BLTP3B: variants seen among roughly 807,000 people sequenced by gnomAD.
BLTP3B encodes bridge-like lipid transfer protein family member 3B.
chr12:100,128,070 G>T, the BLTP3B span, among the ~76,000 whole-genome samples: 1 of 152,072 alleles, frequency 6.6e-6, no homozygotes, highest in Non-Finnish European at 1.5e-5. Context: ...ACTGCTGTTT[G>T]TGAGACTTAT....
chr12:100,140,836 T>G, the BLTP3B span, among the ~76,000 whole-genome samples: 1 of 149,872 alleles, frequency 6.7e-6, no homozygotes, highest in African/African-American at 2.5e-5. Flanking sequence ...CATTACATCT[T>G]TGTTCTTAAT....
the BLTP3B span, among the ~76,000 whole-genome samples, chr12:100,119,974 A>T: frequency 6.6e-6 from 1 of 152,260 alleles, no homozygotes; most frequent in Non-Finnish European, 1.5e-5. Flanking sequence ...CTGTAACTAC[A>T]GGGCAACCAT....
chr12:100,127,641 T>C, the BLTP3B span, among the ~76,000 whole-genome samples: 1 of 152,188 alleles, frequency 6.6e-6, no homozygotes, highest in African/African-American at 2.4e-5. Context: ...TATAACATAA[T>C]TGCTTTCCCT....
At chr12:100,125,318 G>A in the BLTP3B span, among the ~76,000 whole-genome samples, 2 of 142,822 alleles carry the variant, frequency 1.4e-5, no homozygotes, top group African/African-American at 2.7e-5. Context: ...GGGTGACAGA[G>A]CGACCGGTTT....
chr12:100,114,445 C>A, the BLTP3B span, among the ~76,000 whole-genome samples: 12 of 152,128 alleles, frequency 7.9e-5, no homozygotes, highest in Admixed American at 4.6e-4. Flanking sequence ...CTCAACTGGA[C>A]CCAATTCAAA....
the BLTP3B span, among the ~76,000 whole-genome samples, chr12:100,139,800 G>C: frequency 2.0e-5 from 3 of 152,198 alleles, no homozygotes; most frequent in Non-Finnish European, 4.4e-5. Flanking sequence ...AGTGGAGAAA[G>C]ACAAAAATAC....
chr12:100,065,873 C>A, the BLTP3B span, among the ~76,000 whole-genome samples: 13 of 152,070 alleles, frequency 8.5e-5, no homozygotes, highest in African/African-American at 2.9e-4. Flanking sequence ...TCTTTGTGAC[C>A]TACTCCCTGT....
the BLTP3B span, among the ~76,000 whole-genome samples, chr12:100,138,638 G>A: frequency 0.063 from 9,565 of 152,226 alleles, 334 homozygotes; most frequent in Middle Eastern, 0.14. Flanking sequence ...TAAACTATAC[G>A]ATGACTCCAC....
chr12:100,063,246 T>C, the BLTP3B span, among the ~76,000 whole-genome samples: 1 of 152,132 alleles, frequency 6.6e-6, no homozygotes, highest in Admixed American at 6.5e-5. Context: ...ACCCAAATAC[T>C]GTGCTGGTAC....
At chr12:100,102,573 T>A in the BLTP3B span, among the ~76,000 whole-genome samples, 1 of 152,078 alleles carries the variant, frequency 6.6e-6, no homozygotes, top group Non-Finnish European at 1.5e-5. Flanking sequence ...TATTTAATAA[T>A]AGCAAGGAAA....
the BLTP3B span, chr12:100,142,518 C>T: frequency 6.5e-7 from 1 of 1,533,994 alleles, no homozygotes; most frequent in Non-Finnish European, 8.9e-7. Flanking sequence ...GCCGCCGCCC[C>T]CGAAGCCGCA....
At chr12:100,046,335 A>G in the BLTP3B span, among the ~76,000 whole-genome samples, 1 of 152,202 alleles carries the variant, frequency 6.6e-6, no homozygotes, top group Non-Finnish European at 1.5e-5. Context: ...CCAAATGTCC[A>G]TTAATAATAG....
the BLTP3B span, among the ~76,000 whole-genome samples, chr12:100,071,936 G>A: frequency 2.0e-5 from 3 of 152,202 alleles, no homozygotes; most frequent in Non-Finnish European, 4.4e-5. Flanking sequence ...TAAGCACAAA[G>A]TAAGTTGAAT....
chr12:100,050,365 A>C, the BLTP3B span: 2 of 1,507,506 alleles, frequency 1.3e-6, no homozygotes, highest in East Asian at 4.7e-5. Context: ...GCAGTTCAAA[A>C]CAAAATTTAA....
chr12:100,038,787 G>A, the BLTP3B span, among the ~76,000 whole-genome samples: 16 of 152,232 alleles, frequency 1.1e-4, no homozygotes, highest in East Asian at 9.6e-4. Flanking sequence ...TCCTAAGTAC[G>A]GGGATATAAA....
chr12:100,096,693 T>C, the BLTP3B span, among the ~76,000 whole-genome samples: 1 of 151,902 alleles, frequency 6.6e-6, no homozygotes, highest in Non-Finnish European at 1.5e-5. Context: ...TGGTGGTGCA[T>C]GCCTGTAGTC....
chr12:100,068,018 CAA>C, the BLTP3B span, among the ~76,000 whole-genome samples: 4 of 151,950 alleles, frequency 2.6e-5, no homozygotes, highest in Non-Finnish European at 4.4e-5. Flanking sequence ...CATATGGAAC[CAA>C]AAAAGAGTCT....
chr12:100,078,290 C>T, the BLTP3B span, among the ~76,000 whole-genome samples: 1 of 152,190 alleles, frequency 6.6e-6, no homozygotes. Flanking sequence ...CCTGCTCCTG[C>T]TTTACCTTCC....
the BLTP3B span, among the ~76,000 whole-genome samples, chr12:100,110,498 C>T: frequency 6.6e-6 from 1 of 152,116 alleles, no homozygotes; most frequent in African/African-American, 2.4e-5. Context: ...AGACAACACT[C>T]AATAAGTATT....
Sources: allele counts gnomAD v4.1 joint callset (sites outside exome capture counted in the v4.1 genomes callset), GRCh38; gene constraint gnomAD v4.1.1; transcripts MANE v1.5; gene names NCBI Gene and HGNC (gene_info 2026-07-23, HGNC 2026-07-21).